MTMR8: variants seen among roughly 807,000 people sequenced by gnomAD.
MTMR8 encodes phosphatidylinositol-3,5-bisphosphate 3-phosphatase MTMR8.
Under a neutral mutation model 39.3 loss-of-function variants are expected in MTMR8, and 65 were observed. The observed-to-expected ratio is 1.65, with a 90% CI of 1.35 to 2.03. MTMR8 has a LOEUF of 2.03. Among genes scored for constraint, MTMR8 ranks in the 30% most tolerant of loss-of-function variants. The pLI, the probability that MTMR8 is intolerant of heterozygous loss-of-function variation, is 0.00. For synonymous variants in MTMR8, 245 were observed against 185.2 expected, an observed-to-expected ratio of 1.32 and a Z score of -2.62; for missense variants, 777 against 538.9, an observed-to-expected ratio of 1.44 and a Z score of -4.37.
At chrX:64,283,205 G>A (rs762795198) in intron 12 of MTMR8, among the ~76,000 whole-genome samples, 25 of 111,930 alleles carry the variant, frequency 2.2e-4, no homozygotes, top group Non-Finnish European at 1.3e-4. Context: ...AGGGTCCCAC[G>A]CCCAAAAAGC....
chrX:64,360,575 G>T (rs747998072), intron 1 of MTMR8, among the ~76,000 whole-genome samples: 1 of 110,366 alleles, frequency 9.1e-6, no homozygotes, highest in Admixed American at 9.7e-5. Context: ...AATTCCAAAC[G>T]TTCAATATCA....
At chrX:64,381,987 T>C (rs901616363) in intron 1 of MTMR8, among the ~76,000 whole-genome samples, 2 of 111,945 alleles carry the variant, frequency 1.8e-5, no homozygotes, top group Non-Finnish European at 3.8e-5. Context: ...AGCAGTACCA[T>C]GCTGTTTTGG....
At chrX:64,370,549 G>A (rs1924102535) in intron 1 of MTMR8, among the ~76,000 whole-genome samples, 1 of 111,380 alleles carries the variant, frequency 9.0e-6, no homozygotes, top group Non-Finnish European at 1.9e-5. Flanking sequence ...CACAAAAATG[G>A]TATCACCTTT....
intron 1 of MTMR8, among the ~76,000 whole-genome samples, chrX:64,379,289 T>C (rs967619083): frequency 8.9e-6 from 1 of 111,918 alleles, no homozygotes; most frequent in Non-Finnish European, 1.9e-5. Context: ...AAGGCTAGCA[T>C]TACCCTAATT....
chrX:64,312,597 A>G (rs892396593), intron 12 of MTMR8, among the ~76,000 whole-genome samples: 3 of 112,663 alleles, frequency 2.7e-5, no homozygotes, highest in Non-Finnish European at 5.6e-5. Flanking sequence ...TCCGCCCAAA[A>G]TCATGAATAT....
Position 64,268,338 on chromosome X carries a change from T to C in MTMR8, c.*199A>G. The C allele has an allele frequency of 4.9e-6, 2 of 404,917 alleles. No individual in the cohort carries two copies. Among genetic ancestry groups the C allele is most frequent in the South Asian group, 1.3e-4 (2 of 15,470 alleles). The allele number at this position is 404,917 out of a possible 1,213,427, so 33.4% of individuals were successfully genotyped here. A position where few individuals can be genotyped will look rare whatever the true frequency, so the allele number is the denominator to read the frequency against. ...TTAGAACAATAACATATTCTTTCTC[T>C]TGCCTACACTCTGTACTGCTTAATA... On this transcript the variant is annotated 3_prime_UTR_variant, in exon 14 of 14. Transcript: ENST00000374852.
chrX:64,283,982 T>G (rs976855337), intron 12 of MTMR8, among the ~76,000 whole-genome samples: 2 of 112,176 alleles, frequency 1.8e-5, no homozygotes, highest in African/African-American at 6.5e-5. Context: ...GAGAAGGACT[T>G]TGACGAGTTG....
intron 12 of MTMR8, among the ~76,000 whole-genome samples, chrX:64,300,597 G>A (rs1921825776): frequency 9.8e-6 from 1 of 102,378 alleles, no homozygotes; most frequent in Non-Finnish European, 2.0e-5. Flanking sequence ...ATATTGTTAT[G>A]TGTGAATTTG....
chrX:64,275,521 C>A (rs1463993442), intron 12 of MTMR8, among the ~76,000 whole-genome samples: 2 of 108,182 alleles, frequency 1.8e-5, no homozygotes, highest in African/African-American at 3.4e-5. Context: ...CATAGAGAGG[C>A]CCCCATCGCT....
At chrX:64,322,070 G>A (rs935954971) in intron 12 of MTMR8, among the ~76,000 whole-genome samples, 35 of 108,869 alleles carry the variant, frequency 3.2e-4, no homozygotes, top group African/African-American at 1.1e-3. Flanking sequence ...TTGAGGCAGG[G>A]TCTTGCTCTG....
At position 64,349,847 on chromosome X, in the gene MTMR8, C is replaced by T. The variant is rs5964768; in HGVS notation, c.597+95G>A. 46,228 of 769,838 alleles carry T rather than the reference C, an allele frequency of 0.06. 12,429 individuals carry two copies. In the African/African-American group the frequency reaches 0.83, roughly 14 times the overall value. The allele number at this position is 769,838 out of a possible 1,213,427, so 63.4% of individuals were successfully genotyped here. A position where few individuals can be genotyped will look rare whatever the true frequency, so the allele number is the denominator to read the frequency against. On this transcript the variant is annotated intron_variant, in intron 5 of 13. Coordinates refer to ENST00000374852, the MANE Select transcript of MTMR8 (RefSeq NM_017677.4). ...AGTCCAGAGAAGTTAAGTAACTTGC[C>T]TGAGGTCACACAGCTACTAAGTGGC...
In MTMR8 at chrX:64,324,615, G is replaced by A. The variant is rs766092798; in HGVS notation, c.1481+4157C>T. ...CAGGAGGATCACCTGAGCACAGGAG[G>A]TCAAGGCTGCAGTCAACCATGATTG... On this transcript the variant is annotated intron_variant, in intron 12 of 13. Transcript: ENST00000374852. Among the ~76,000 whole-genome samples, 5 of 110,197 alleles carry A rather than the reference G, an allele frequency of 4.5e-5. No individual in the cohort carries two copies. In the East Asian group the frequency reaches 1.4e-3, roughly 32 times the overall value.
At chrX:64,337,701 T>C (rs1923114847) in intron 8 of MTMR8, among the ~76,000 whole-genome samples, 1 of 111,756 alleles carries the variant, frequency 8.9e-6, no homozygotes, top group Non-Finnish European at 1.9e-5. Flanking sequence ...CTCAGAGGAA[T>C]AGGTGAACTG....
In MTMR8 at chrX:64,269,033, AC is replaced by A. The variant is rs771008974; in HGVS notation, c.1618del (p.Val540SerfsTer15). On this transcript the variant is annotated frameshift_variant, in exon 14 of 14. Coordinates refer to ENST00000374852, the MANE Select transcript of MTMR8 (RefSeq NM_017677.4). LOFTEE classifies it low-confidence loss of function (END_TRUNC). ...DVHELEKKLK[V>X]RDEPPEEICT... The stretch of plus-strand genomic sequence containing the variant: ...GATCTCTTCTGGTGGCTCATCACGG[AC>A]TTTTAGTTTCTGCCTCAGGAGCAAG... The A allele has an allele frequency of 8.3e-7, 1 of 1,207,271 alleles. No individual in the cohort carries two copies. Among genetic ancestry groups the A allele is most frequent in the Non-Finnish European group, 1.1e-6 (1 of 893,452 alleles).
intron 12 of MTMR8, among the ~76,000 whole-genome samples, chrX:64,273,494 CA>C (rs748543751): frequency 0.012 from 1,223 of 105,980 alleles, 24 homozygotes; most frequent in African/African-American, 0.038. Flanking sequence ...AACAAACAAA[CA>C]AAAAAAACAA....
chrX:64,283,893 T>A (rs929987187), intron 12 of MTMR8, among the ~76,000 whole-genome samples: 2 of 111,752 alleles, frequency 1.8e-5, no homozygotes, highest in Non-Finnish European at 3.8e-5. Flanking sequence ...AGAGAAAAAC[T>A]GAAAATTCTA....
chrX:64,282,766 G>T (rs1274216499), intron 12 of MTMR8, among the ~76,000 whole-genome samples: 1 of 111,374 alleles, frequency 9.0e-6, no homozygotes, highest in African/African-American at 3.3e-5. Context: ...ACTATCAGAA[G>T]AGTGAAAAGG....
At chrX:64,373,128 T>A (rs1258269474) in intron 1 of MTMR8, among the ~76,000 whole-genome samples, 2 of 112,238 alleles carry the variant, frequency 1.8e-5, no homozygotes, top group Non-Finnish European at 3.8e-5. Context: ...TATGTGGAAA[T>A]TGGGTCTCAG....
intron 4 of MTMR8, among the ~76,000 whole-genome samples, chrX:64,354,484 T>C (rs1255770450): frequency 4.5e-5 from 5 of 111,442 alleles, no homozygotes; most frequent in Non-Finnish European, 7.5e-5. Flanking sequence ...TAAAATAAAT[T>C]AGCCTTCACA....
Sources: gnomAD v4.1 joint callset for allele counts (sites outside exome capture counted in the v4.1 genomes callset) on GRCh38, gnomAD v4.1.1 for gene constraint, MANE v1.5 for transcripts, NCBI Gene and HGNC (gene_info 2026-07-23, HGNC 2026-07-21) for gene names.